Variants in PDPN observed in about 807,000 individuals in gnomAD.
PDPN encodes PA2.26 antigen.
Under a neutral mutation model 23.2 loss-of-function variants are expected in PDPN, and 12 were observed. That is an observed-to-expected ratio of 0.52 (90% confidence interval 0.33 to 0.84). The LOEUF is 0.84. Among genes scored for constraint, PDPN ranks in the 40% least tolerant of loss-of-function variants. The pLI is 0.02. For synonymous variants in PDPN, 77 were observed against 76.7 expected (o/e 1.00, Z -0.02); for missense variants, 199 against 212.2 (o/e 0.94, Z 0.39).
intron 1 of PDPN, among the ~76,000 whole-genome samples, chr1:13,605,490 T>C (rs1156556640): frequency 6.6e-6 from 1 of 152,206 alleles, no homozygotes; most frequent in Non-Finnish European, 1.5e-5. Context: ...TTTTTGGAGA[T>C]GATAATTGAG....
At chr1:13,588,798 C>CCT (rs70984263) in intron 1 of PDPN, among the ~76,000 whole-genome samples, 45,241 of 150,808 alleles carry the variant, frequency 0.3, 7,253 homozygotes, top group African/African-American at 0.38. Flanking sequence ...CCCACCTCAG[C>CCT]CTCCTGAGTA....
intron 1 of PDPN, among the ~76,000 whole-genome samples, chr1:13,604,054 G>A (rs1211529802): frequency 2.0e-5 from 3 of 152,214 alleles, no homozygotes; most frequent in Admixed American, 2.0e-4. Context: ...AACTGAACCT[G>A]CAAGCTAGGT....
chr1:13,607,197 A>G lies in PDPN; in HGVS notation c.92A>G (p.Asp31Gly). The G allele has an allele frequency of 2.5e-6, 4 of 1,614,092 alleles. No homozygotes were observed. The highest frequency in any genetic ancestry group is 3.4e-6 in the Non-Finnish European group (4 of 1,179,958). The change falls in exon 2 of 6, where the codon GAC becomes GGC. Residue 31 changes from aspartate to glycine, a missense_variant. Physicochemically the swap from Asp to Gly is moderately conservative, Grantham distance 94. Transcript: ENST00000621990. ...GCCAGCACAGGCCAGCCAGAAGATG[A>G]CACTGAGACTACAGGTTTGGAAGGC... ...EGASTGQPEDDTETTGLEGGV... is the reference protein window; with the variant it reads ...EGASTGQPEDGTETTGLEGGV...
At chr1:13,610,636 T>C in intron 3 of PDPN, 120 bp downstream of exon 3, 1 of 994,450 alleles carries the variant, frequency 1.0e-6, no homozygotes, top group Non-Finnish European at 1.5e-6. Context: ...GAGTGACTTC[T>C]GAACCAAGCT....
At chr1:13,604,285 G>A (rs142773350) in intron 1 of PDPN, among the ~76,000 whole-genome samples, 109 of 152,308 alleles carry the variant, frequency 7.2e-4, no homozygotes, top group African/African-American at 2.4e-3. Flanking sequence ...ATGCTGGCTG[G>A]AAACTCGGCA....
intron 1 of PDPN, among the ~76,000 whole-genome samples, chr1:13,605,811 T>C (rs1328479518): frequency 6.6e-6 from 1 of 151,562 alleles, no homozygotes; most frequent in Non-Finnish European, 1.5e-5. Flanking sequence ...TTAGTAGAGA[T>C]GGGATTTCAC....
Position 13,610,532 on chromosome 1 carries a change from A to C in PDPN, c.331+16A>C, listed in dbSNP as rs1407454886. On this transcript the variant is annotated intron_variant, in intron 3 of 5. Coordinates refer to ENST00000621990, the MANE Select transcript of PDPN (RefSeq NM_006474.5). ...CACTCCACGGGTAAGAAAACCAGCCACCTCCATGGGGGCTGATCTACTTTT... is the reference window on the plus strand; with the variant it reads ...CACTCCACGGGTAAGAAAACCAGCCCCCTCCATGGGGGCTGATCTACTTTT... 1 of 1,610,360 alleles carries C rather than the reference A, an allele frequency of 6.2e-7. No individual in the cohort carries two copies. The highest frequency in any genetic ancestry group is 1.3e-5 in the African/African-American group (1 of 74,678).
intron 1 of PDPN, among the ~76,000 whole-genome samples, chr1:13,592,976 T>C (rs1640391003): frequency 6.6e-6 from 1 of 152,196 alleles, no homozygotes; most frequent in Non-Finnish European, 1.5e-5. Context: ...AGTAGCACCG[T>C]CTTGATTACT....
chr1:13,591,958 C>G lies in PDPN; in HGVS notation c.67+7858C>G, dbSNP rs114443149. ...ATGCTGTTCTGGTTTCTCCACATCCCCACCAACACTTGTTCTCTTTCTCTG... is the reference window on the plus strand; with the variant it reads ...ATGCTGTTCTGGTTTCTCCACATCCGCACCAACACTTGTTCTCTTTCTCTG... On this transcript the variant is annotated intron_variant, in intron 1 of 5. Transcript: ENST00000621990. Among the ~76,000 whole-genome samples, 947 of 152,332 alleles carry G rather than the reference C, an allele frequency of 6.2e-3. 7 individuals are homozygous for G. The highest frequency in any genetic ancestry group is 0.022 in the African/African-American group (907 of 41,560).
chr1:13,609,473 A>G (rs1439268572), intron 2 of PDPN, among the ~76,000 whole-genome samples: 4 of 152,146 alleles, frequency 2.6e-5, no homozygotes, highest in Non-Finnish European at 5.9e-5. Context: ...TATCATCTCA[A>G]CCATTTTTAA....
intron 1 of PDPN, among the ~76,000 whole-genome samples, chr1:13,603,952 C>A (rs957922987): frequency 6.6e-6 from 1 of 152,116 alleles, no homozygotes; most frequent in Non-Finnish European, 1.5e-5. Flanking sequence ...CGTTTGCTGC[C>A]GCATTTGGAA....
At chr1:13,608,769 A>T (rs1377098173) in intron 2 of PDPN, among the ~76,000 whole-genome samples, 2 of 152,198 alleles carry the variant, frequency 1.3e-5, no homozygotes, top group African/African-American at 4.8e-5. Flanking sequence ...TTTATTCTTA[A>T]TGCAGTTTGT....
At chr1:13,586,370 C>T (rs1422721880) in intron 1 of PDPN, among the ~76,000 whole-genome samples, 1 of 152,156 alleles carries the variant, frequency 6.6e-6, no homozygotes. Flanking sequence ...CTGCATTGCA[C>T]TGGTGTATAA....
At chr1:13,592,612 C>T (rs541016409) in intron 1 of PDPN, among the ~76,000 whole-genome samples, 3 of 147,516 alleles carry the variant, frequency 2.0e-5, no homozygotes, top group South Asian at 2.1e-4. Flanking sequence ...TGCAATGGCA[C>T]GATCTTGGCT....
chr1:13,593,791 G>T (rs1442229708), intron 1 of PDPN, among the ~76,000 whole-genome samples: 1 of 152,182 alleles, frequency 6.6e-6, no homozygotes, highest in Non-Finnish European at 1.5e-5. Flanking sequence ...CCATTGAGAA[G>T]CTCTGCTCCA....
At chr1:13,599,788 C>T (rs1431397948) in intron 1 of PDPN, among the ~76,000 whole-genome samples, 2 of 152,162 alleles carry the variant, frequency 1.3e-5, no homozygotes, top group Non-Finnish European at 2.9e-5. Context: ...GAATGTGGCC[C>T]AGCTCTTGGC....
At chr1:13,609,665 T>G (rs1319359214) in intron 2 of PDPN, among the ~76,000 whole-genome samples, 1 of 152,224 alleles carries the variant, frequency 6.6e-6, no homozygotes, top group African/African-American at 2.4e-5. Context: ...GCACCTCATG[T>G]AAGTGGAATC....
chr1:13,615,853 T>C, intron 5 of PDPN, 52 bp from the exon 6 acceptor site: 3 of 1,555,472 alleles, frequency 1.9e-6, no homozygotes, highest in Non-Finnish European at 2.7e-6. Context: ...ACGGAGTTAC[T>C]ATTCACAATG....
chr1:13,593,637 G>C (rs2100220713), intron 1 of PDPN, among the ~76,000 whole-genome samples: 1 of 152,290 alleles, frequency 6.6e-6, no homozygotes, highest in East Asian at 1.9e-4. Context: ...TGAGCTGCGT[G>C]GGGTGGACGG....
Sources: allele counts gnomAD v4.1 joint callset (sites outside exome capture counted in the v4.1 genomes callset), GRCh38; gene constraint gnomAD v4.1.1; transcripts MANE v1.5; gene names NCBI Gene and HGNC (gene_info 2026-07-23, HGNC 2026-07-21).